Variants in MEF2A observed in about 807,000 individuals in gnomAD.
MEF2A encodes myocyte-specific enhancer factor 2A.
Under a neutral mutation model 55.8 loss-of-function variants are expected in MEF2A, and 28 were observed. The ratio of observed to expected loss-of-function variants is 0.50; its 90% CI spans 0.37 to 0.69. The LOEUF (loss-of-function observed/expected upper bound fraction) is 0.69. Among genes scored for constraint, MEF2A ranks in the 30% least tolerant of loss-of-function variants. MEF2A has a pLI of 0.00. For synonymous variants in MEF2A, 239 were observed against 227.1 expected, an observed-to-expected ratio of 1.05 and a Z score of -0.47; for missense variants, 528 against 626.2, an observed-to-expected ratio of 0.84 and a Z score of 1.67.
intron 1 of MEF2A, among the ~76,000 whole-genome samples, chr15:99,578,240 T>G (rs1204069294): frequency 2.0e-5 from 3 of 152,250 alleles, no homozygotes; most frequent in Non-Finnish European, 4.4e-5. Context: ...AGTGAAGAAG[T>G]GTCCCTTCTC....
At chr15:99,680,844 A>G (rs1236058989) in intron 7 of MEF2A, among the ~76,000 whole-genome samples, 2 of 152,230 alleles carry the variant, frequency 1.3e-5, no homozygotes, top group Admixed American at 6.5e-5. Context: ...AGTTACCTCT[A>G]CAGTCATAAC....
At chr15:99,672,715 T>G (rs2051122952) in intron 5 of MEF2A, among the ~76,000 whole-genome samples, 4 of 152,230 alleles carry the variant, frequency 2.6e-5, no homozygotes, top group Admixed American at 2.0e-4. Context: ...TTGGAATATT[T>G]GCATATGTAT....
chr15:99,664,694 C>G (rs867219444), intron 4 of MEF2A, among the ~76,000 whole-genome samples: 1 of 151,988 alleles, frequency 6.6e-6, no homozygotes, highest in Non-Finnish European at 1.5e-5. Context: ...GGAATAAGGT[C>G]GACTAGGTTG....
chr15:99,617,300 G>A (rs539419866), intron 2 of MEF2A, among the ~76,000 whole-genome samples: 6 of 151,574 alleles, frequency 4.0e-5, no homozygotes, highest in African/African-American at 1.5e-4. Flanking sequence ...TATTTGTAAG[G>A]TATCTTTGCT....
chr15:99,686,660 T>TA (rs1310639720), intron 7 of MEF2A, among the ~76,000 whole-genome samples: 2 of 152,228 alleles, frequency 1.3e-5, no homozygotes, highest in Non-Finnish European at 2.9e-5. Context: ...TTCTTCCCTT[T>TA]GTCTTCACTT....
intron 1 of MEF2A, among the ~76,000 whole-genome samples, chr15:99,580,342 A>G (rs1017690926): frequency 6.6e-6 from 1 of 151,896 alleles, no homozygotes; most frequent in East Asian, 1.9e-4. Context: ...GTTTTTTCAC[A>G]TGGTTTAGGG....
chr15:99,590,004 A>AGGTG (rs771711497), intron 1 of MEF2A, among the ~76,000 whole-genome samples: 6 of 152,058 alleles, frequency 3.9e-5, no homozygotes, highest in Non-Finnish European at 7.4e-5. Flanking sequence ...AGTTAAACCA[A>AGGTG]GGTGGTTTAT....
chr15:99,670,938 C>T (rs540724717), intron 4 of MEF2A, among the ~76,000 whole-genome samples: 2 of 152,170 alleles, frequency 1.3e-5, no homozygotes, highest in African/African-American at 4.8e-5. Flanking sequence ...TATAAAGGTA[C>T]GATAACTTCT....
At position 99,599,241 on chromosome 15, in the gene MEF2A, T is replaced by G. The variant is rs148103357; in HGVS notation, c.-143+730T>G. On this transcript the variant is annotated intron_variant, in intron 2 of 11. Coordinates refer to ENST00000557942, the MANE Select transcript of MEF2A (RefSeq NM_001319206.4). ...GAAAAGAAGTGAATTATATTAATGC[T>G]AGAATATTTTAAAATAAGTAATTTT... Among the ~76,000 whole-genome samples the G allele has an allele frequency of 6.7e-3, 1,023 of 152,274 alleles. 12 individuals are homozygous for G. The highest frequency in any genetic ancestry group is 0.023 in the African/African-American group (974 of 41,574).
intron 2 of MEF2A, among the ~76,000 whole-genome samples, chr15:99,608,359 T>A (rs1488048717): frequency 6.6e-6 from 1 of 152,230 alleles, no homozygotes; most frequent in African/African-American, 2.4e-5. Flanking sequence ...GTAAACAGTT[T>A]ACCCTTAAGC....
chr15:99,698,988 A>G (rs1027034542), intron 8 of MEF2A, among the ~76,000 whole-genome samples: 3 of 151,768 alleles, frequency 2.0e-5, no homozygotes, highest in African/African-American at 7.3e-5. Flanking sequence ...AGGCCAAGGC[A>G]GGAAGACTGC....
intron 1 of MEF2A, among the ~76,000 whole-genome samples, chr15:99,592,819 C>T (rs917277983): frequency 2.6e-5 from 4 of 152,120 alleles, no homozygotes; most frequent in African/African-American, 7.2e-5. Flanking sequence ...ACCCAAACAC[C>T]TCTCACCAAG....
chr15:99,688,936 T>C (rs2054834503), intron 7 of MEF2A, among the ~76,000 whole-genome samples: 1 of 152,036 alleles, frequency 6.6e-6, no homozygotes, highest in African/African-American at 2.4e-5. Flanking sequence ...ACTAAGTTCA[T>C]CTGGGGGCTG....
intron 3 of MEF2A, among the ~76,000 whole-genome samples, chr15:99,641,052 G>A (rs2044819157): frequency 6.6e-6 from 1 of 152,006 alleles, no homozygotes; most frequent in African/African-American, 2.4e-5. Flanking sequence ...GATCCCAGTC[G>A]ATCATATAAA....
At chr15:99,706,454 C>T (rs973586166) in intron 9 of MEF2A, 3 of 391,188 alleles carry the variant, frequency 7.7e-6, no homozygotes, top group Middle Eastern at 7.8e-4. Flanking sequence ...TTTTGTGCAA[C>T]AAATAGAAGT....
rs144882195 is a variant in MEF2A, at chr15:99,660,591, C to T, written c.259-10732C>T. On this transcript the variant is annotated intron_variant, in intron 4 of 11. Transcript: ENST00000557942. ...GGCTCTGAATCTCACACAGGGCTCA[C>T]TGAGAATAAGAAACATCCTTCTTGG... 2.4e-4 allele frequency among the ~76,000 whole-genome samples: 37 copies of T among 152,282 alleles called. No individual in the cohort carries two copies. In the East Asian group the frequency reaches 6.9e-3, roughly 29 times the overall value.
chr15:99,575,037 T>C (rs1963829962), intron 1 of MEF2A, among the ~76,000 whole-genome samples: 1 of 97,554 alleles, frequency 1.0e-5, no homozygotes, highest in South Asian at 2.9e-4. Flanking sequence ...CTCATCTCCT[T>C]TTTTTCTCTT....
intron 8 of MEF2A, among the ~76,000 whole-genome samples, chr15:99,699,992 A>G (rs1166775687): frequency 0.012 from 1,478 of 124,214 alleles, 6 homozygotes; most frequent in East Asian, 0.024. Flanking sequence ...GTGTATATAT[A>G]TATATATAAT....
At chr15:99,604,308 T>C (rs1327417646) in intron 2 of MEF2A, among the ~76,000 whole-genome samples, 1 of 152,174 alleles carries the variant, frequency 6.6e-6, no homozygotes, top group Non-Finnish European at 1.5e-5. Flanking sequence ...TTGTCTCTCT[T>C]GGCACTGATA....
Sources: allele counts gnomAD v4.1 joint callset (sites outside exome capture counted in the v4.1 genomes callset), GRCh38; gene constraint gnomAD v4.1.1; transcripts MANE v1.5; gene names NCBI Gene and HGNC (gene_info 2026-07-23, HGNC 2026-07-21).